CNKSR3: variants seen among roughly 807,000 people sequenced by gnomAD.
CNKSR3 encodes CNKSR family member 3.
In CNKSR3, 36 loss-of-function variants were observed where a neutral mutation model predicts 67.7. The ratio of observed to expected loss-of-function variants is 0.53; its 90% CI spans 0.41 to 0.70. CNKSR3 has a LOEUF of 0.70. Ranked by LOEUF, CNKSR3 falls within the 30% of genes least tolerant of loss-of-function variation. The pLI is 0.00. For missense variants in CNKSR3, 630 were observed against 695.2 expected (o/e 0.91, Z 1.05); for synonymous variants, 281 against 271.4 (o/e 1.04, Z -0.35).
In CNKSR3 at chr6:154,410,291, G is replaced by C. The variant is rs910922022; in HGVS notation, c.1369+52C>G. The stretch of plus-strand genomic sequence containing the variant: ...GAAACAGAGGTGAAACCAGGCCCTG[G>C]GGCTGTTCACTCCCCATTTGCTGTT... On this transcript the variant is annotated intron_variant, in intron 12 of 12. Transcript: ENST00000607772. 46 of 1,301,538 alleles carry C rather than the reference G, an allele frequency of 3.5e-5. No homozygotes were observed. In the Admixed American group the frequency reaches 7.6e-4, roughly 22 times the overall value. The allele number at this position is 1,301,538 out of a possible 1,614,324, so 80.6% of individuals were successfully genotyped here. A position where few individuals can be genotyped will look rare whatever the true frequency, so the allele number is the denominator to read the frequency against.
intron 1 of CNKSR3, among the ~76,000 whole-genome samples, chr6:154,507,543 C>T (rs1787125603): frequency 6.6e-6 from 1 of 152,180 alleles, no homozygotes; most frequent in African/African-American, 2.4e-5. Context: ...AAAGTCAATA[C>T]TTGAGCATCA....
intron 9 of CNKSR3, among the ~76,000 whole-genome samples, chr6:154,415,834 G>A (rs1346981641): frequency 1.3e-5 from 2 of 152,188 alleles, no homozygotes; most frequent in Non-Finnish European, 2.9e-5. Context: ...AATATCTCAT[G>A]TGAGAACTTC....
chr6:154,397,743 G>T lies in CNKSR3; in HGVS notation c.*8611C>A, dbSNP rs1455750918. The T allele has an allele frequency of 1.3e-5, 2 of 151,904 alleles. No individual in the cohort carries two copies. Among genetic ancestry groups the T allele is most frequent in the Non-Finnish European group, 2.9e-5 (2 of 68,058 alleles). The allele number at this position is 151,904 out of a possible 1,614,324, so 9.4% of individuals were successfully genotyped here. ...AGCAAATCTGCGGCCATCACTAGGT[G>T]CACAGTGCAGTGGGGGTGTGTGAGA... is the stretch of plus-strand genomic sequence containing the variant. On this transcript the variant is annotated 3_prime_UTR_variant, in exon 13 of 13. Coordinates refer to ENST00000607772, the MANE Select transcript of CNKSR3 (RefSeq NM_173515.4).
At chr6:154,429,742 A>T (rs970524147) in intron 6 of CNKSR3, among the ~76,000 whole-genome samples, 1 of 151,816 alleles carries the variant, frequency 6.6e-6, no homozygotes, top group African/African-American at 2.4e-5. Flanking sequence ...TCTCCTCAAC[A>T]TCATCAATAC....
At chr6:154,422,212 T>A (rs1785160225) in intron 9 of CNKSR3, among the ~76,000 whole-genome samples, 1 of 152,066 alleles carries the variant, frequency 6.6e-6, no homozygotes, top group Non-Finnish European at 1.5e-5. Flanking sequence ...CAGGATGGTC[T>A]CGATCTCCTG....
chr6:154,451,494 CGCAT>C (rs1785828496), intron 1 of CNKSR3, among the ~76,000 whole-genome samples: 3 of 15,232 alleles, frequency 2.0e-4, no homozygotes, highest in African/African-American at 4.7e-4. Flanking sequence ...CACGCACACA[CGCAT>C]ACATGCACAC....
At chr6:154,503,329 G>T (rs1299785790) in intron 1 of CNKSR3, among the ~76,000 whole-genome samples, 1 of 151,984 alleles carries the variant, frequency 6.6e-6, no homozygotes, top group Non-Finnish European at 1.5e-5. Flanking sequence ...TTTTTTAAAG[G>T]GGGGCAGGGG....
chr6:154,437,866 A>T (rs1471863496), intron 4 of CNKSR3, among the ~76,000 whole-genome samples: 2 of 152,276 alleles, frequency 1.3e-5, no homozygotes, highest in African/African-American at 4.8e-5. Flanking sequence ...ACAAAAAAAT[A>T]CCAGAGAATA....
chr6:154,420,015 G>T lies in CNKSR3; in HGVS notation c.945+2491C>A, dbSNP rs552378861. ...GAGAATCGCTTGAACCTGGGAGGTG[G>T]AGGTTGCAGTGAGCCAAGATCACGG... On this transcript the variant is annotated intron_variant, in intron 9 of 12. Coordinates refer to ENST00000607772, the MANE Select transcript of CNKSR3 (RefSeq NM_173515.4). Among the ~76,000 whole-genome samples the T allele has an allele frequency of 3.3e-5, 5 of 152,238 alleles. 1 individual carries two copies. Among genetic ancestry groups the T allele is most frequent in the Non-Finnish European group, 5.9e-5 (4 of 68,016 alleles).
rs1377476166 is a variant in CNKSR3 at position 154,399,898 on chromosome 6, GT to G, written c.*6455del. On this transcript the variant is annotated 3_prime_UTR_variant, in exon 13 of 13. Coordinates refer to ENST00000607772, the MANE Select transcript of CNKSR3 (RefSeq NM_173515.4). ...AAAGTTAAATCCTCCCCTTTAATGG[GT>G]CTAGTCAGTGGAAGAACATTTCTCT... 6.6e-6 allele frequency: 1 copy of G among 152,016 alleles called. No individual in the cohort carries two copies. The highest frequency in any genetic ancestry group is 1.5e-5 in the Non-Finnish European group (1 of 68,028). 9.4% of individuals were successfully genotyped at this position (152,016 alleles called of 1,614,324 possible). A position where few individuals can be genotyped will look rare whatever the true frequency, so the allele number is the denominator to read the frequency against.
intron 1 of CNKSR3, among the ~76,000 whole-genome samples, chr6:154,491,430 C>T (rs1786783221): frequency 1.3e-5 from 2 of 152,210 alleles, no homozygotes; most frequent in African/African-American, 4.8e-5. Context: ...AGTTTTCCTG[C>T]TAACAAATGC....
At chr6:154,454,110 G>GC (rs1785899871) in intron 1 of CNKSR3, among the ~76,000 whole-genome samples, 1 of 65,622 alleles carries the variant, frequency 1.5e-5, no homozygotes, top group African/African-American at 4.9e-5. Context: ...CACACAGAGA[G>GC]AGAGAGAGAG....
intron 12 of CNKSR3, among the ~76,000 whole-genome samples, chr6:154,407,777 A>G (rs989282703): frequency 6.7e-6 from 1 of 148,530 alleles, no homozygotes; most frequent in Non-Finnish European, 1.5e-5. Flanking sequence ...CAAATTTTAG[A>G]ATTTGAATTT....
chr6:154,410,118 A>T (rs536926458), intron 12 of CNKSR3, among the ~76,000 whole-genome samples: 1 of 152,328 alleles, frequency 6.6e-6, no homozygotes, highest in Admixed American at 6.5e-5. Flanking sequence ...GCTAATTAGG[A>T]TATTTACAAT....
chr6:154,497,969 C>A (rs1418654235), intron 1 of CNKSR3, among the ~76,000 whole-genome samples: 1 of 152,180 alleles, frequency 6.6e-6, no homozygotes, highest in Non-Finnish European at 1.5e-5. Flanking sequence ...ACTTTCTGTG[C>A]AAACACAAAC....
At chr6:154,504,075 T>C (rs192055080) in intron 1 of CNKSR3, among the ~76,000 whole-genome samples, 1 of 152,322 alleles carries the variant, frequency 6.6e-6, no homozygotes, top group African/African-American at 2.4e-5. Flanking sequence ...AAGTTGCTGG[T>C]CACAGACCAG....
intron 1 of CNKSR3, among the ~76,000 whole-genome samples, chr6:154,503,789 T>G (rs190952705): frequency 2.4e-4 from 36 of 152,324 alleles, no homozygotes; most frequent in Non-Finnish European, 4.4e-4. Flanking sequence ...GACTGGTTTT[T>G]TACTTTAATT....
In CNKSR3 at chr6:154,422,622, T is replaced by G; in HGVS notation, c.829A>C (p.Lys277Gln). 1 of 1,613,622 alleles carries G rather than the reference T, an allele frequency of 6.2e-7. No homozygotes were observed. Among genetic ancestry groups the G allele is most frequent in the Non-Finnish European group, 8.5e-7 (1 of 1,180,018 alleles). The part of the protein sequence containing the change: ...VGWQLKNLVK[K>Q]LRENPTGVVL... ...ACTCCGGTGGGATTCTCTCTCAATT[T>G]CTTCACCAGATTTTTCAGCTGCCAT... The change falls in exon 9 of 13, where the codon AAA (lysine) becomes CAA (glutamine). Residue 277 changes from lysine to glutamine, a missense_variant. By Grantham distance (53) the Lys-to-Gln change is moderately conservative (BLOSUM62 1). This residue lies in a region of CNKSR3 where 133 missense variants were observed against 190.6 expected (regional missense o/e 0.70). Transcript: ENST00000607772.
At chr6:154,472,510 C>T (rs1386645126) in intron 1 of CNKSR3, among the ~76,000 whole-genome samples, 3 of 152,088 alleles carry the variant, frequency 2.0e-5, no homozygotes, top group African/African-American at 4.8e-5. Context: ...CCCCTTATTT[C>T]GTATCTCGGG....
Sources: allele counts gnomAD v4.1 joint callset (sites outside exome capture counted in the v4.1 genomes callset), GRCh38; gene constraint gnomAD v4.1.1; regional missense constraint gnomAD v4.1.1; transcripts MANE v1.5; gene names NCBI Gene and HGNC (gene_info 2026-07-23, HGNC 2026-07-21).